Variants in TTC39B observed in about 807,000 individuals in gnomAD.
TTC39B encodes the protein tetratricopeptide repeat protein 39B.
In TTC39B, 92 loss-of-function variants were observed where a neutral mutation model predicts 96.6. The ratio of observed to expected loss-of-function variants is 0.95; its 90% CI spans 0.80 to 1.13. TTC39B has a LOEUF of 1.13. TTC39B is among the 50% of genes most tolerant of loss of function. The probability of loss-of-function intolerance (pLI) is 0.00; values close to 1 mark genes in which losing one functional copy is unlikely to be tolerated. For missense variants in TTC39B, 955 were observed against 809.3 expected, an observed-to-expected ratio of 1.18 and a Z score of -2.18; for synonymous variants, 367 against 299.4, an observed-to-expected ratio of 1.23 and a Z score of -2.33.
At position 15,286,443 on chromosome 9, in the gene TTC39B, G is replaced by A. The variant is rs568178536; in HGVS notation, c.241-18495C>T. 2.6e-5 allele frequency among the ~76,000 whole-genome samples: 4 copies of A among 152,292 alleles called. No individual in the cohort carries two copies. The South Asian group carries it at 8.3e-4, about 32-fold the overall frequency. Reference sequence around the variant, plus strand: ...AGGTTAGACGACTACAGAACAGACAGTGTCCTCCTAAGGGCATTTATATCC... The same window carrying A: ...AGGTTAGACGACTACAGAACAGACAATGTCCTCCTAAGGGCATTTATATCC... On this transcript the variant is annotated intron_variant, in intron 1 of 19. Transcript: ENST00000512701.
At chr9:15,296,467 G>A (rs932498837) in intron 1 of TTC39B, among the ~76,000 whole-genome samples, 1 of 152,156 alleles carries the variant, frequency 6.6e-6, no homozygotes, top group Non-Finnish European at 1.5e-5. Context: ...AAATACAGAA[G>A]GGTGCATGTG....
chr9:15,226,081 A>T lies in TTC39B; in HGVS notation c.276-69T>A, dbSNP rs192290521. 11 of 1,319,728 alleles carry T rather than the reference A, an allele frequency of 8.3e-6. No homozygotes were observed. The African/African-American group carries it at 1.6e-4, about 19-fold the overall frequency. 81.8% of individuals were successfully genotyped at this position (1,319,728 alleles called of 1,614,324 possible). A position where few individuals can be genotyped will look rare whatever the true frequency, so the allele number is the denominator to read the frequency against. On this transcript the variant is annotated intron_variant, in intron 2 of 19. Transcript: ENST00000512701. ...CTGTGAGAAAAGTCTACACCAGTGC[A>T]ATTACACAACATAAGTCTTCCAATT...
At chr9:15,298,861 C>G (rs542927306) in intron 1 of TTC39B, among the ~76,000 whole-genome samples, 1 of 152,318 alleles carries the variant, frequency 6.6e-6, no homozygotes, top group African/African-American at 2.4e-5. Flanking sequence ...TTCCTCACCT[C>G]TGCACCTTAT....
In TTC39B at chr9:15,189,825, A is replaced by G. The variant is rs371588203; in HGVS notation, c.1106-33T>C. 29 of 1,457,324 alleles carry G rather than the reference A, an allele frequency of 2.0e-5. No homozygotes were observed. The African/African-American group carries it at 3.2e-4, about 16-fold the overall frequency. 90.3% of individuals were successfully genotyped at this position (1,457,324 alleles called of 1,614,324 possible). ...TTTAACAGGAAAAGACTCAGTCTTC[A>G]TAAGACATGGGGATATTTATAACCA... is the stretch of plus-strand genomic sequence containing the variant. On this transcript the variant is annotated intron_variant, in intron 11 of 19. Coordinates refer to ENST00000512701, the Ensembl canonical transcript of TTC39B.
At chr9:15,199,108 T>C (rs889764565) in intron 8 of TTC39B, among the ~76,000 whole-genome samples, 2 of 152,214 alleles carry the variant, frequency 1.3e-5, no homozygotes, top group Admixed American at 1.3e-4. Flanking sequence ...ACTTAGAGCC[T>C]TTAACACTCT....
In TTC39B at chr9:15,177,712, T is replaced by C. The variant is rs752183843; in HGVS notation, c.1826A>G (p.Asn609Ser). The change falls in exon 18 of 20, where the codon AAT becomes AGT. Residue 609 changes from asparagine to serine, a missense_variant. By Grantham distance (46) the Asn-to-Ser change is conservative. Coordinates refer to ENST00000512701, the Ensembl canonical transcript of TTC39B. ...TTGGTCTTACCTTTCCACAACATGA[T>C]TGTAACATAGTTCAGCTTGCAAGGG... 1.6e-5 allele frequency: 26 copies of C among 1,612,054 alleles called. No homozygotes were observed. The highest frequency in any genetic ancestry group is 5.5e-5 in the South Asian group (5 of 90,668).
chr9:15,199,217 G>C (rs1253802990), intron 8 of TTC39B, among the ~76,000 whole-genome samples: 1 of 152,152 alleles, frequency 6.6e-6, no homozygotes, highest in East Asian at 1.9e-4. Context: ...AAGTTCTACT[G>C]GGCAGTGCTG....
intron 3 of TTC39B, among the ~76,000 whole-genome samples, chr9:15,214,906 A>G (rs934049874): frequency 6.6e-6 from 1 of 152,166 alleles, no homozygotes; most frequent in African/African-American, 2.4e-5. Context: ...ACGACTTGCA[A>G]AAGGGAAATA....
chr9:15,243,679 G>A (rs1262703167), intron 2 of TTC39B, among the ~76,000 whole-genome samples: 1 of 152,188 alleles, frequency 6.6e-6, no homozygotes, highest in African/African-American at 2.4e-5. Flanking sequence ...GGAGGCTGAG[G>A]CAGGAGGATC....
At chr9:15,173,789 C>T (rs1564306458) in intron 19 of TTC39B, among the ~76,000 whole-genome samples, 1 of 152,138 alleles carries the variant, frequency 6.6e-6, no homozygotes, top group Non-Finnish European at 1.5e-5. Context: ...GAACTTCATG[C>T]TAAGTATGAA....
intron 1 of TTC39B, among the ~76,000 whole-genome samples, chr9:15,302,317 C>T (rs1251859149): frequency 7.2e-6 from 1 of 139,428 alleles, no homozygotes; most frequent in Non-Finnish European, 1.5e-5. Flanking sequence ...CCAAGCAAGA[C>T]TCTGTCTTTA....
rs1459580359 is a variant in TTC39B, at chr9:15,238,474, C to T, written c.276-12462G>A. Among the ~76,000 whole-genome samples the T allele has an allele frequency of 2.0e-5, 3 of 152,160 alleles. No individual in the cohort carries two copies. The East Asian group carries it at 5.8e-4, about 29-fold the overall frequency. ...AAAATCAACGTACAAAAATCAGTAG[C>T]ATTTCTATATACCAATTATGTTCAA... is the stretch of plus-strand genomic sequence containing the variant. On this transcript the variant is annotated intron_variant, in intron 2 of 19. Coordinates refer to ENST00000512701, the Ensembl canonical transcript of TTC39B.
At chr9:15,234,324 C>T (rs557330291) in intron 2 of TTC39B, among the ~76,000 whole-genome samples, 1 of 151,210 alleles carries the variant, frequency 6.6e-6, no homozygotes, top group South Asian at 2.1e-4. Context: ...GTCAGCCCCC[C>T]GCCCAGCCAG....
intron 8 of TTC39B, among the ~76,000 whole-genome samples, chr9:15,199,622 C>T (rs1819398294): frequency 6.6e-6 from 1 of 150,854 alleles, no homozygotes; most frequent in Non-Finnish European, 1.5e-5. Flanking sequence ...GTAGTCCCAG[C>T]TACTCGGGAG....
rs569945916 is a variant in TTC39B at position 15,280,668 on chromosome 9, T to C, written c.241-12720A>G. 7.2e-5 allele frequency among the ~76,000 whole-genome samples: 11 copies of C among 152,288 alleles called. No individual in the cohort carries two copies. The South Asian group carries it at 1.2e-3, about 17-fold the overall frequency. ...CCAAGCAGCCTCCTGGCCCTTGGTA[T>C]GGTTGCTGCAGCTAGCTGGCGGAAA... On this transcript the variant is annotated intron_variant, in intron 1 of 19. Transcript: ENST00000512701.
intron 1 of TTC39B, among the ~76,000 whole-genome samples, chr9:15,288,476 T>C (rs985618216): frequency 1.3e-5 from 2 of 152,116 alleles, no homozygotes; most frequent in African/African-American, 4.8e-5. Flanking sequence ...CTGGGGATGG[T>C]TGGAGAGGAG....
intron 15 of TTC39B, among the ~76,000 whole-genome samples, chr9:15,185,990 T>C (rs1818504219): frequency 2.0e-5 from 3 of 152,230 alleles, no homozygotes; most frequent in South Asian, 4.1e-4. Flanking sequence ...AGAAACTTCC[T>C]TTTAAAATTC....
chr9:15,246,390 G>A (rs979710884), intron 2 of TTC39B, among the ~76,000 whole-genome samples: 8 of 152,100 alleles, frequency 5.3e-5, no homozygotes, highest in Non-Finnish European at 1.0e-4. Flanking sequence ...CTAACTCTTG[G>A]GGTTTTAGTT....
chr9:15,267,215 T>C (rs1823168326), intron 2 of TTC39B, among the ~76,000 whole-genome samples: 1 of 152,212 alleles, frequency 6.6e-6, no homozygotes. Flanking sequence ...CTCAGACTTC[T>C]AGCCTCCAAA....
Sources: allele counts gnomAD v4.1 joint callset (sites outside exome capture counted in the v4.1 genomes callset), GRCh38; gene constraint gnomAD v4.1.1; transcripts MANE v1.5; gene names NCBI Gene and HGNC (gene_info 2026-07-23, HGNC 2026-07-21).